Variants in NHSL1 observed in about 807,000 individuals in gnomAD.
The protein encoded by NHSL1 is NHS like 1.
NHSL1 carries 48 observed loss-of-function variants against 95.0 expected under a neutral mutation model. The ratio of observed to expected loss-of-function variants is 0.51; its 90% CI spans 0.40 to 0.64. The LOEUF is 0.64. NHSL1 is among the 30% of genes least tolerant of loss of function. The probability of loss-of-function intolerance (pLI) is 0.00; values close to 1 mark genes in which losing one functional copy is unlikely to be tolerated. For missense variants in NHSL1, 1,971 were observed against 2,077.7 expected (o/e 0.95, Z 1.00); for synonymous variants, 783 against 833.9 (o/e 0.94, Z 1.05).
intron 1 of NHSL1, chr6:138,512,183 C>G (rs1781262764): frequency 2.5e-6 from 1 of 407,428 alleles, no homozygotes; most frequent in Non-Finnish European, 4.9e-6. Flanking sequence ...TTTAAAATAC[C>G]TGCACTTTCC....
chr6:138,622,459 C>A (rs1430486921), intron 1 of NHSL1, among the ~76,000 whole-genome samples: 1 of 151,882 alleles, frequency 6.6e-6, no homozygotes, highest in Non-Finnish European at 1.5e-5. Context: ...GCACTCCAGC[C>A]TGGGTGACAG....
At chr6:138,600,910 T>C (rs914281721) in intron 1 of NHSL1, among the ~76,000 whole-genome samples, 1 of 152,194 alleles carries the variant, frequency 6.6e-6, no homozygotes, top group African/African-American at 2.4e-5. Context: ...TCACTGTGTG[T>C]CAGAATACAA....
chr6:138,664,361 A>C (rs1643991497), intron 1 of NHSL1, among the ~76,000 whole-genome samples: 1 of 152,248 alleles, frequency 6.6e-6, no homozygotes, highest in South Asian at 2.1e-4. Flanking sequence ...AGCTAGTAGG[A>C]GCTTCTAGTG....
intron 1 of NHSL1, among the ~76,000 whole-genome samples, chr6:138,564,795 A>G (rs1444670438): frequency 6.6e-6 from 1 of 152,212 alleles, no homozygotes; most frequent in East Asian, 1.9e-4. Context: ...AATAACATAG[A>G]GACAAGAGCC....
chr6:138,605,939 G>A (rs1784427786), intron 1 of NHSL1, among the ~76,000 whole-genome samples: 2 of 152,182 alleles, frequency 1.3e-5, no homozygotes, highest in Non-Finnish European at 2.9e-5. Flanking sequence ...ATTTCTAATT[G>A]CATATCCTTG....
rs936749051 is a variant in NHSL1, at chr6:138,432,940, G to A, written c.1405C>T (p.Arg469Cys). The A allele has an allele frequency of 2.6e-6, 4 of 1,551,132 alleles. No individual in the cohort carries two copies. The highest frequency in any genetic ancestry group is 1.4e-5 in the African/African-American group (1 of 73,034). The change falls in exon 6 of 8, where the codon CGC becomes TGC. Residue 469 changes from arginine to cysteine, a missense_variant. This residue lies in a region of NHSL1 where 1,602 missense variants were observed against 1,654.5 expected (regional missense o/e 0.97). Coordinates refer to ENST00000343505, the MANE Select transcript of NHSL1 (RefSeq NM_001144060.2). The surrounding 1 kb of genome is among the most constrained non-coding windows in gnomAD (Gnocchi z 4.4). The stretch of plus-strand genomic sequence containing the variant: ...GTGGCATGGCCCTCATTCCAGTGGC[G>A]ACCGGGAGACTGAGGATCACCTTTC... The part of the protein sequence containing the change: ...AVKGDPQSPG[R>C]HWNEGHATIL...
intron 1 of NHSL1, among the ~76,000 whole-genome samples, chr6:138,516,250 C>T (rs773703441): frequency 3.3e-5 from 5 of 152,088 alleles, no homozygotes; most frequent in African/African-American, 4.8e-5. Flanking sequence ...GGAGTGTGGG[C>T]GTGGAGTCAA....
At chr6:138,523,037 T>C (rs950087540) in intron 1 of NHSL1, among the ~76,000 whole-genome samples, 2 of 150,964 alleles carry the variant, frequency 1.3e-5, no homozygotes, top group African/African-American at 4.9e-5. Context: ...CCCCACCCTT[T>C]CATGATCTCT....
At chr6:138,645,497 GTTTTTCT>G (rs1348226466) in intron 1 of NHSL1, among the ~76,000 whole-genome samples, 1 of 148,866 alleles carries the variant, frequency 6.7e-6, no homozygotes, top group Non-Finnish European at 1.5e-5. Flanking sequence ...TTATTGTAGT[GTTTTTCT>G]TTTTTCTTTT....
chr6:138,437,441 CACACAAAAA>C (rs1379527770), intron 5 of NHSL1, among the ~76,000 whole-genome samples: 5 of 35,476 alleles, frequency 1.4e-4, no homozygotes, highest in South Asian at 1.2e-3. Context: ...CACACACACA[CACACAAAAA>C]AAAAAAAAAA....
At chr6:138,516,174 C>T (rs1781452855) in intron 1 of NHSL1, among the ~76,000 whole-genome samples, 1 of 152,186 alleles carries the variant, frequency 6.6e-6, no homozygotes, top group Non-Finnish European at 1.5e-5. Context: ...TGTGCCATCC[C>T]TACTTTCATG....
chr6:138,523,190 C>G (rs911618323), intron 1 of NHSL1, among the ~76,000 whole-genome samples: 1 of 151,870 alleles, frequency 6.6e-6, no homozygotes, highest in Non-Finnish European at 1.5e-5. Flanking sequence ...TTGCGGCACA[C>G]CAAGTATTTT....
At chr6:138,489,951 AAG>A (rs1562321813) in intron 2 of NHSL1, among the ~76,000 whole-genome samples, 1 of 47,852 alleles carries the variant, frequency 2.1e-5, no homozygotes, top group African/African-American at 1.0e-4. Context: ...AGAGGGAGAG[AAG>A]GAGAGAGGGA....
chr6:138,583,891 GAGT>G, intron 1 of NHSL1, among the ~76,000 whole-genome samples: 1 of 152,142 alleles, frequency 6.6e-6, no homozygotes, highest in Non-Finnish European at 1.5e-5. Context: ...TTGAGGCCAG[GAGT>G]AGGAGAGCAG....
chr6:138,689,332 G>T (rs908607461), intron 1 of NHSL1, among the ~76,000 whole-genome samples: 4 of 152,176 alleles, frequency 2.6e-5, no homozygotes, highest in African/African-American at 9.7e-5. Flanking sequence ...CAACCTGGGG[G>T]TGTCAGGGAA....
At chr6:138,672,934 T>C (rs960364033) in intron 1 of NHSL1, among the ~76,000 whole-genome samples, 9 of 152,126 alleles carry the variant, frequency 5.9e-5, no homozygotes, top group Non-Finnish European at 1.0e-4. Context: ...GGAAAATTGC[T>C]TGAACCAGGG....
At chr6:138,668,621 T>C (rs1190886907) in intron 1 of NHSL1, among the ~76,000 whole-genome samples, 2 of 149,610 alleles carry the variant, frequency 1.3e-5, no homozygotes, top group African/African-American at 5.0e-5. Context: ...AAGAAATTTT[T>C]TTTTCTTTTT....
At chr6:138,585,676 G>A (rs1487935801) in intron 1 of NHSL1, among the ~76,000 whole-genome samples, 2 of 151,990 alleles carry the variant, frequency 1.3e-5, no homozygotes, top group African/African-American at 4.8e-5. Context: ...ACCAGGCACT[G>A]AATCGCTCCA....
At chr6:138,680,874 C>T (rs1168520978) in intron 1 of NHSL1, among the ~76,000 whole-genome samples, 1 of 152,192 alleles carries the variant, frequency 6.6e-6, no homozygotes, top group Non-Finnish European at 1.5e-5. Flanking sequence ...GCCTCAGCCT[C>T]CCAAAGTGTT....
Sources: allele counts gnomAD v4.1 joint callset (sites outside exome capture counted in the v4.1 genomes callset), GRCh38; gene constraint gnomAD v4.1.1; regional missense constraint gnomAD v4.1.1; non-coding constraint Gnocchi (gnomAD v3.1); transcripts MANE v1.5; gene names NCBI Gene and HGNC (gene_info 2026-07-23, HGNC 2026-07-21).